ATG16L1: variants seen among roughly 807,000 people sequenced by gnomAD.
ATG16L1 encodes autophagy related 16 like 1, also known as autophagy-related protein 16-1.
Under a neutral mutation model 88.5 loss-of-function variants are expected in ATG16L1, and 37 were observed. The observed-to-expected ratio is 0.42, with a 90% CI of 0.32 to 0.55. The LOEUF (loss-of-function observed/expected upper bound fraction) is 0.55. Ranked by LOEUF, ATG16L1 falls within the 20% of genes least tolerant of loss-of-function variation. ATG16L1 has a pLI of 0.13. For missense variants in ATG16L1, 554 were observed against 752.8 expected (o/e 0.74, Z 3.09); for synonymous variants, 301 against 281.0 (o/e 1.07, Z -0.71).
chr2:233,258,016 AATATCTATATATCTAT>A (rs200300050), intron 2 of ATG16L1, among the ~76,000 whole-genome samples: 1 of 51,900 alleles, frequency 1.9e-5, no homozygotes, highest in African/African-American at 5.3e-5. Flanking sequence ...AAAAAAAAAA[AATATCTATATATCTAT>A]ATATCTATAT....
intron 16 of ATG16L1, among the ~76,000 whole-genome samples, 194 bp from the exon 17 acceptor site, chr2:233,293,062 G>A (rs1211146387): frequency 6.6e-6 from 1 of 152,246 alleles, no homozygotes; most frequent in Non-Finnish European, 1.5e-5. Context: ...CTGTTCATTA[G>A]CCGGACGGGG....
At chr2:233,273,143 C>A in intron 7 of ATG16L1, 91 bp downstream of exon 7, 2 of 1,040,552 alleles carry the variant, frequency 1.9e-6, no homozygotes, top group Non-Finnish European at 3.0e-6. Context: ...CAGTCAGATG[C>A]ACCCAACCCC....
intron 9 of ATG16L1, 73 bp from the exon 10 acceptor site, chr2:233,277,495 T>G: frequency 1.5e-6 from 2 of 1,366,902 alleles, no homozygotes; most frequent in Non-Finnish European, 2.1e-6. Context: ...GAATTAGGCA[T>G]TTGGAGTGTT....
rs376360350 is a variant in ATG16L1 at position 233,263,181 on chromosome 2, A to G, written c.261A>G (p.Gln87=). Residue 87 remains glutamine, a synonymous_variant, in exon 3 of 18, where the codon CAA becomes CAG. Coordinates refer to ENST00000392017, the MANE Select transcript of ATG16L1 (RefSeq NM_030803.7). ...WNDNQLQEMA[Q]LRIKHQEELT... Reference sequence around the variant, plus strand: ...ACAATCAGCTACAAGAAATGGCCCAACTGAGGATTAAGCACCAAGAGGAAC... The same window carrying G: ...ACAATCAGCTACAAGAAATGGCCCAGCTGAGGATTAAGCACCAAGAGGAAC... 3.1e-6 allele frequency: 5 copies of G among 1,614,026 alleles called. No homozygotes were observed. Among genetic ancestry groups the G allele is most frequent in the East Asian group, 2.2e-5 (1 of 44,892 alleles).
In ATG16L1 at chr2:233,287,706, C is replaced by T. The variant is rs561024614; in HGVS notation, c.1204-2148C>T. Among the ~76,000 whole-genome samples, 18 of 152,244 alleles carry T rather than the reference C, an allele frequency of 1.2e-4. No homozygotes were observed. In the South Asian group the frequency reaches 1.4e-3, roughly 12 times the overall value. ...TAGCCTGGCCAACATGGTAAAACCC[C>T]GTCTCTACTAAAAATACAAAAATTA... On this transcript the variant is annotated intron_variant, in intron 12 of 17. Coordinates refer to ENST00000392017, the MANE Select transcript of ATG16L1 (RefSeq NM_030803.7).
chr2:233,272,874 G>C, intron 6 of ATG16L1, 92 bp from the exon 7 acceptor site: 2 of 1,133,218 alleles, frequency 1.8e-6, no homozygotes, highest in Non-Finnish European at 2.7e-6. Context: ...AGTGGTTTAG[G>C]ATCTAACTAG....
chr2:233,289,608 T>G (rs1699324052), intron 12 of ATG16L1, among the ~76,000 whole-genome samples: 1 of 152,208 alleles, frequency 6.6e-6, no homozygotes, highest in Non-Finnish European at 1.5e-5. Context: ...CCCAAGCTGT[T>G]CTTGAACTCC....
chr2:233,292,101 A>T (rs1041976093), intron 14 of ATG16L1, 27 bp from the exon 15 acceptor site: 1 of 1,609,568 alleles, frequency 6.2e-7, no homozygotes, highest in East Asian at 2.2e-5. Flanking sequence ...CCTACGTTAC[A>T]TTTCTCAGAT....
At position 233,294,652 on chromosome 2, in the gene ATG16L1, G is replaced by A; in HGVS notation, c.*302G>A. ...TCCATACCTCACTTGGGGGAGCACA[G>A]GGCCCCGCTGGGCCTCCTCACCAAC... On this transcript the variant is annotated 3_prime_UTR_variant, in exon 18 of 18. Coordinates refer to ENST00000392017, the MANE Select transcript of ATG16L1 (RefSeq NM_030803.7). 4.5e-6 allele frequency: 1 copy of A among 219,828 alleles called. No homozygotes were observed. The highest frequency in any genetic ancestry group is 9.0e-6 in the Non-Finnish European group (1 of 110,830). 13.6% of individuals were successfully genotyped at this position (219,828 alleles called of 1,614,324 possible).
chr2:233,270,829 G>A (rs1234927174), intron 6 of ATG16L1, among the ~76,000 whole-genome samples: 2 of 152,060 alleles, frequency 1.3e-5, no homozygotes, highest in Admixed American at 1.3e-4. Flanking sequence ...AGTTTCCTTC[G>A]CTCTAGGATG....
chr2:233,292,896 C>T (rs1458020775), intron 16 of ATG16L1, among the ~76,000 whole-genome samples: 2 of 152,184 alleles, frequency 1.3e-5, no homozygotes, highest in East Asian at 3.8e-4. Flanking sequence ...TAAGATGTTT[C>T]TTTTCTTCCC....
At chr2:233,279,936 G>A (rs552966090) in intron 10 of ATG16L1, among the ~76,000 whole-genome samples, 1 of 152,296 alleles carries the variant, frequency 6.6e-6, no homozygotes, top group African/African-American at 2.4e-5. Flanking sequence ...ATATTTCTTA[G>A]AATTTGCAGT....
intron 6 of ATG16L1, among the ~76,000 whole-genome samples, chr2:233,271,237 A>G (rs933934698): frequency 6.6e-6 from 1 of 152,206 alleles, no homozygotes; most frequent in East Asian, 1.9e-4. Flanking sequence ...GGGCCGAGGT[A>G]GGATGCAAAC....
chr2:233,282,212 C>T (rs925215763), intron 11 of ATG16L1, among the ~76,000 whole-genome samples: 5 of 152,056 alleles, frequency 3.3e-5, no homozygotes. Context: ...GTGGCCCGTG[C>T]GTTCAGTGCT....
intron 6 of ATG16L1, 58 bp from the exon 7 acceptor site, chr2:233,272,908 A>G: frequency 1.4e-6 from 2 of 1,463,280 alleles, no homozygotes; most frequent in South Asian, 1.1e-5. Flanking sequence ...CATTTGCGGA[A>G]CCGATTAATC....
rs963729338 is a variant in ATG16L1 at position 233,256,981 on chromosome 2, C to A, written c.209+786C>A. Among the ~76,000 whole-genome samples the A allele has an allele frequency of 1.2e-4, 18 of 152,026 alleles. 1 individual carries two copies. On this transcript the variant is annotated intron_variant, in intron 2 of 17. Coordinates refer to ENST00000392017, the MANE Select transcript of ATG16L1 (RefSeq NM_030803.7). ...CTTCCGAAAGTGTTGGGATTACAGGCGTGAGCCACCGCACTGGCCAGCTTA... is the reference window on the plus strand; with the variant it reads ...CTTCCGAAAGTGTTGGGATTACAGGAGTGAGCCACCGCACTGGCCAGCTTA...
Position 233,263,322 on chromosome 2 carries a change from A to G in ATG16L1, c.315+87A>G, listed in dbSNP as rs115716196. The G allele has an allele frequency of 2.9e-4, 359 of 1,218,856 alleles. 1 individual carries two copies. In the African/African-American group the frequency reaches 5.0e-3, roughly 17 times the overall value. 75.5% of individuals were successfully genotyped at this position (1,218,856 alleles called of 1,614,324 possible). On this transcript the variant is annotated intron_variant, in intron 3 of 17. Coordinates refer to ENST00000392017, the MANE Select transcript of ATG16L1 (RefSeq NM_030803.7). ...GGGAGCTCAGTCACTTCTCACCAGA[A>G]TTGGCAGCAGCCTTAGCCATATGTG...
At chr2:233,272,149 G>C (rs1698040042) in intron 6 of ATG16L1, among the ~76,000 whole-genome samples, 1 of 152,132 alleles carries the variant, frequency 6.6e-6, no homozygotes, top group Non-Finnish European at 1.5e-5. Flanking sequence ...TCTCCATGAA[G>C]GTTGCATCTC....
rs911319108 is a variant in ATG16L1 at position 233,290,148 on chromosome 2, G to T, written c.1325-100G>T. The T allele has an allele frequency of 3.3e-6, 5 of 1,507,588 alleles. No individual in the cohort carries two copies. In the Admixed American group the frequency reaches 6.9e-5, roughly 21 times the overall value. 93.4% of individuals were successfully genotyped at this position (1,507,588 alleles called of 1,614,324 possible). A position where few individuals can be genotyped will look rare whatever the true frequency, so the allele number is the denominator to read the frequency against. On this transcript the variant is annotated intron_variant, in intron 13 of 17. Transcript: ENST00000392017. ...TTTTCTTGTTTAAAGCTTCATTTAA[G>T]TGAGTAACTCTGACAAGTCAGTGGT...
Sources: gnomAD v4.1 joint callset for allele counts (sites outside exome capture counted in the v4.1 genomes callset) on GRCh38, gnomAD v4.1.1 for gene constraint, MANE v1.5 for transcripts, NCBI Gene and HGNC (gene_info 2026-07-23, HGNC 2026-07-21) for gene names.